CAMKMT: variants seen among roughly 807,000 people sequenced by gnomAD.
CAMKMT encodes the protein calmodulin-lysine N-methyltransferase, also known as CaM KMT.
CAMKMT carries 53 observed loss-of-function variants against 48.0 expected under a neutral mutation model. The observed-to-expected ratio is 1.10, with a 90% CI of 0.89 to 1.39. CAMKMT has a LOEUF of 1.39. Among genes scored for constraint, CAMKMT ranks in the 40% most tolerant of loss-of-function variants. The pLI is 0.00. For synonymous variants in CAMKMT, 165 were observed against 152.3 expected, an observed-to-expected ratio of 1.08 and a Z score of -0.61; for missense variants, 428 against 402.7, an observed-to-expected ratio of 1.06 and a Z score of -0.54.
At chr2:44,740,888 C>G (rs539951682) in intron 7 of CAMKMT, among the ~76,000 whole-genome samples, 15 of 152,264 alleles carry the variant, frequency 9.9e-5, no homozygotes, top group Admixed American at 9.8e-4. Context: ...GCCAGTGGGA[C>G]TGAAGAGTAC....
intron 3 of CAMKMT, among the ~76,000 whole-genome samples, chr2:44,646,786 A>T (rs1673757883): frequency 6.6e-6 from 1 of 152,214 alleles, no homozygotes; most frequent in East Asian, 1.9e-4. Context: ...GAAGCCAAAG[A>T]CTTTAGAGAC....
intron 3 of CAMKMT, among the ~76,000 whole-genome samples, chr2:44,623,161 A>G (rs1463652327): frequency 6.6e-6 from 1 of 152,060 alleles, no homozygotes; most frequent in African/African-American, 2.4e-5. Flanking sequence ...TCCTTTGCCT[A>G]CTTCTTAATG....
At chr2:44,686,354 C>A (rs1192043514) in intron 3 of CAMKMT, among the ~76,000 whole-genome samples, 1 of 149,468 alleles carries the variant, frequency 6.7e-6, no homozygotes, top group East Asian at 2.0e-4. Flanking sequence ...GATCATGCCA[C>A]TGCACTCCAG....
intron 9 of CAMKMT, among the ~76,000 whole-genome samples, chr2:44,764,820 C>G (rs1200826667): frequency 1.3e-5 from 2 of 152,120 alleles, no homozygotes; most frequent in East Asian, 3.9e-4. Context: ...TCATTGTCAT[C>G]ACTGTTACTA....
intron 7 of CAMKMT, among the ~76,000 whole-genome samples, chr2:44,721,175 C>G (rs1235625159): frequency 1.3e-5 from 2 of 152,062 alleles, no homozygotes; most frequent in Admixed American, 6.5e-5. Flanking sequence ...AAATATCCAC[C>G]ATGATTATTA....
intron 3 of CAMKMT, among the ~76,000 whole-genome samples, chr2:44,449,402 T>A (rs1067401): frequency 0.76 from 115,098 of 152,096 alleles, 43,700 homozygotes; most frequent in South Asian, 0.88. Flanking sequence ...TTAGTTATCT[T>A]CAGGATATTT....
chr2:44,743,538 C>T, intron 7 of CAMKMT, 84 bp from the exon 8 acceptor site: 1 of 900,450 alleles, frequency 1.1e-6, no homozygotes, highest in Non-Finnish European at 1.7e-6. Context: ...ATTTCAAGTG[C>T]CACAAAAAAA....
At chr2:44,471,742 T>C (rs1668430045) in intron 3 of CAMKMT, among the ~76,000 whole-genome samples, 1 of 152,196 alleles carries the variant, frequency 6.6e-6, no homozygotes, top group Admixed American at 6.5e-5. Context: ...AGTCTCACTC[T>C]GTTGCCCAGA....
chr2:44,548,205 C>G (rs1042989679), intron 3 of CAMKMT, among the ~76,000 whole-genome samples: 1 of 152,134 alleles, frequency 6.6e-6, no homozygotes, highest in Admixed American at 6.5e-5. Context: ...TGGGAACAAC[C>G]AGCTCGAAGT....
intron 3 of CAMKMT, among the ~76,000 whole-genome samples, chr2:44,679,381 G>A (rs1176348011): frequency 1.3e-5 from 2 of 152,128 alleles, no homozygotes; most frequent in African/African-American, 4.8e-5. Context: ...TTGCCTCCGA[G>A]TGAAGGGTTC....
intron 7 of CAMKMT, among the ~76,000 whole-genome samples, chr2:44,737,860 T>C (rs866490073): frequency 7.6e-6 from 1 of 132,328 alleles, no homozygotes. Flanking sequence ...CTTTTTTTTC[T>C]TTTTTTTTTT....
At chr2:44,642,316 G>A (rs1428481374) in intron 3 of CAMKMT, among the ~76,000 whole-genome samples, 2 of 152,178 alleles carry the variant, frequency 1.3e-5, no homozygotes, top group Non-Finnish European at 2.9e-5. Flanking sequence ...TAAGGGTGCA[G>A]AGAAAACAGA....
rs201477368 is a variant in CAMKMT, at chr2:44,402,746, T to TG, written c.376+12441_376+12442insG. Among the ~76,000 whole-genome samples, 358 of 149,082 alleles carry TG rather than the reference T, an allele frequency of 2.4e-3. 1 individual carries two copies. Among genetic ancestry groups the TG allele is most frequent in the Middle Eastern group, 0.021 (6 of 288 alleles). On this transcript the variant is annotated intron_variant, in intron 3 of 10. Coordinates refer to ENST00000378494, the MANE Select transcript of CAMKMT (RefSeq NM_024766.5). The stretch of plus-strand genomic sequence containing the variant: ...TTTCATCTTTTGTTTTGCTGTTTTT[T>TG]TTTTTTTTTTTTTACTTTTTCTTTA...
intron 3 of CAMKMT, among the ~76,000 whole-genome samples, chr2:44,632,780 A>G (rs1274901896): frequency 6.6e-6 from 1 of 152,188 alleles, no homozygotes; most frequent in Non-Finnish European, 1.5e-5. Context: ...TAAGGCAGGC[A>G]GAAAAACATA....
At chr2:44,551,329 C>G (rs1372107017) in intron 3 of CAMKMT, among the ~76,000 whole-genome samples, 1 of 152,092 alleles carries the variant, frequency 6.6e-6, no homozygotes, top group Admixed American at 6.6e-5. Flanking sequence ...TCTCACTGTT[C>G]AGGTGACTCT....
At chr2:44,438,133 C>A (rs1209022616) in intron 3 of CAMKMT, among the ~76,000 whole-genome samples, 1 of 152,172 alleles carries the variant, frequency 6.6e-6, no homozygotes, top group Middle Eastern at 3.2e-3. Context: ...AATTTCTTAA[C>A]TAGATCAAGG....
At chr2:44,373,421 G>C (rs556812989) in intron 2 of CAMKMT, among the ~76,000 whole-genome samples, 1 of 152,232 alleles carries the variant, frequency 6.6e-6, no homozygotes, top group Non-Finnish European at 1.5e-5. Flanking sequence ...AGACAAGAGA[G>C]TTACAGACTG....
intron 3 of CAMKMT, among the ~76,000 whole-genome samples, chr2:44,588,394 C>G (rs1457996081): frequency 2.6e-5 from 1 of 38,644 alleles, no homozygotes; most frequent in Non-Finnish European, 5.1e-5. Flanking sequence ...AAGTGAGGAG[C>G]CCCTCTGCCC....
At chr2:44,443,527 A>G (rs979234727) in intron 3 of CAMKMT, among the ~76,000 whole-genome samples, 7 of 152,186 alleles carry the variant, frequency 4.6e-5, no homozygotes, top group African/African-American at 1.7e-4. Flanking sequence ...ATTTAATTGT[A>G]GGTTTTACAT....
Sources: allele counts gnomAD v4.1 joint callset (sites outside exome capture counted in the v4.1 genomes callset), GRCh38; gene constraint gnomAD v4.1.1; transcripts MANE v1.5; gene names NCBI Gene and HGNC (gene_info 2026-07-23, HGNC 2026-07-21).